TP63: variants seen among roughly 807,000 people sequenced by gnomAD.
The protein encoded by TP63 is tumor protein 63.
TP63 carries 17 observed loss-of-function variants against 82.8 expected under a neutral mutation model. That is an observed-to-expected ratio of 0.21 (90% CI 0.14 to 0.31). TP63 has a LOEUF of 0.31. Among genes scored for constraint, TP63 ranks in the 10% least tolerant of loss-of-function variants. The pLI is 1.00. For missense variants in TP63, 648 were observed against 895.3 expected, an observed-to-expected ratio of 0.72 and a Z score of 3.52; for synonymous variants, 330 against 321.7, an observed-to-expected ratio of 1.03 and a Z score of -0.28.
chr3:189,682,536 GAAAAA>G lies in TP63; in HGVS notation c.62+50973_62+50977del, dbSNP rs375284237. ...CATTCCTGGGACTTGGTCCTAAGGG[GAAAAA>G]AAAAAAAAAAAAATATATATATATA... On this transcript the variant is annotated intron_variant, in intron 1 of 13. Coordinates refer to ENST00000264731, the MANE Select transcript of TP63 (RefSeq NM_003722.5). 9.0e-3 allele frequency among the ~76,000 whole-genome samples: 170 copies of G among 18,824 alleles called. 2 individuals are homozygous for G. Among genetic ancestry groups the G allele is most frequent in the East Asian group, 0.024 (7 of 290 alleles). 12.3% of individuals were successfully genotyped at this position (18,824 alleles called of 152,430 possible).
At chr3:189,760,091 G>C (rs960500332) in intron 3 of TP63, among the ~76,000 whole-genome samples, 4 of 152,128 alleles carry the variant, frequency 2.6e-5, no homozygotes, top group African/African-American at 9.7e-5. Context: ...CAAAACACAA[G>C]GGAATTATGG....
rs1214350150 is a variant in TP63, at chr3:189,848,242, TCTC to T, written c.580-15989_580-15987del. Among the ~76,000 whole-genome samples the T allele has an allele frequency of 4.6e-4, 51 of 110,314 alleles. No homozygotes were observed. The East Asian group carries it at 9.9e-3, about 21-fold the overall frequency. The allele number at this position is 110,314 out of a possible 152,430, so 72.4% of individuals were successfully genotyped here. ...TGCCTCCTCCTCCTCCTCCTCCTTC[TCTC>T]TCTCTCTCTCTCTCTCTCTCTCTCT... On this transcript the variant is annotated intron_variant, in intron 4 of 13. Coordinates refer to ENST00000264731, the MANE Select transcript of TP63 (RefSeq NM_003722.5).
chr3:189,817,223 A>G (rs1728283862), intron 4 of TP63, among the ~76,000 whole-genome samples: 1 of 152,180 alleles, frequency 6.6e-6, no homozygotes, highest in Non-Finnish European at 1.5e-5. Context: ...AAAAACTATA[A>G]TGAATAAGTT....
In TP63 at chr3:189,886,556, G is replaced by A; in HGVS notation, c.1507+5G>A. The A allele has an allele frequency of 6.2e-7, 1 of 1,613,968 alleles. No individual in the cohort carries two copies. Among genetic ancestry groups the A allele is most frequent in the Non-Finnish European group, 8.5e-7 (1 of 1,179,972 alleles). ...CTGATGGCATGGGAGCCAACAGTAA[G>A]AGCATCTCCTTTTAGCTGTGGCTGA... On this transcript the variant is annotated splice_donor_5th_base_variant and intron_variant, in intron 11 of 13. Transcript: ENST00000264731.
At chr3:189,848,238 CT>C (rs1314961884) in intron 4 of TP63, among the ~76,000 whole-genome samples, 7 of 26,580 alleles carry the variant, frequency 2.6e-4, no homozygotes, top group African/African-American at 1.0e-3. Context: ...CCTCCTCCTC[CT>C]TCTCTCTCTC....
At chr3:189,820,695 G>A (rs1412079263) in intron 4 of TP63, among the ~76,000 whole-genome samples, 1 of 152,170 alleles carries the variant, frequency 6.6e-6, no homozygotes, top group East Asian at 1.9e-4. Context: ...AGATGGTTTT[G>A]TAGCTCTGAT....
chr3:189,840,576 G>A (rs1054741383), intron 4 of TP63, among the ~76,000 whole-genome samples: 38 of 151,488 alleles, frequency 2.5e-4, no homozygotes, highest in Non-Finnish European at 1.0e-4. Context: ...AATTGTTCAC[G>A]GTGGCTGGGT....
At chr3:189,645,028 C>T (rs990048446) in intron 1 of TP63, among the ~76,000 whole-genome samples, 6 of 151,910 alleles carry the variant, frequency 3.9e-5, no homozygotes, top group Non-Finnish European at 7.4e-5. Flanking sequence ...CTGTCTTCCT[C>T]GATATTCAGA....
chr3:189,639,476 A>C (rs1255715451), intron 1 of TP63, among the ~76,000 whole-genome samples: 2 of 152,152 alleles, frequency 1.3e-5, no homozygotes, highest in East Asian at 3.9e-4. Context: ...ATGGTGAATT[A>C]GATTATTTGA....
At chr3:189,884,218 G>A (rs749313613) in intron 10 of TP63, among the ~76,000 whole-genome samples, 14 of 152,198 alleles carry the variant, frequency 9.2e-5, no homozygotes, top group Non-Finnish European at 1.8e-4. Context: ...CTCTGATGTG[G>A]ACTAATGGAT....
chr3:189,837,939 A>G (rs1163936494), intron 4 of TP63, among the ~76,000 whole-genome samples: 1 of 152,116 alleles, frequency 6.6e-6, no homozygotes, highest in Admixed American at 6.5e-5. Context: ...TTCCTTACTT[A>G]TGCTGAAAAA....
At chr3:189,835,726 A>G (rs1713037418) in intron 4 of TP63, among the ~76,000 whole-genome samples, 1 of 151,968 alleles carries the variant, frequency 6.6e-6, no homozygotes, top group African/African-American at 2.4e-5. Context: ...CAGCCTGGCC[A>G]ACATAGTGAA....
chr3:189,882,464 CTT>C (rs35439891), intron 10 of TP63, among the ~76,000 whole-genome samples: 37,528 of 142,396 alleles, frequency 0.26, 5,523 homozygotes, highest in African/African-American at 0.42. Flanking sequence ...CATGTTTTCC[CTT>C]TTTTTTTTTT....
At chr3:189,879,933 G>C (rs1719717693) in intron 10 of TP63, 3 of 1,252,386 alleles carry the variant, frequency 2.4e-6, no homozygotes, top group Non-Finnish European at 3.1e-6. Context: ...AACAAAAATA[G>C]CTTTTCAGGC....
At position 189,895,321 on chromosome 3, in the gene TP63, T is replaced by C. The variant is rs1213584675; in HGVS notation, c.*819T>C. 1.4e-5 allele frequency: 3 copies of C among 219,816 alleles called. No homozygotes were observed. The East Asian group carries it at 2.0e-4, about 15-fold the overall frequency. The allele number at this position is 219,816 out of a possible 1,614,324, so 13.6% of individuals were successfully genotyped here. A position where few individuals can be genotyped will look rare whatever the true frequency, so the allele number is the denominator to read the frequency against. On this transcript the variant is annotated 3_prime_UTR_variant, in exon 14 of 14. Transcript: ENST00000264731. ...TCTTAAAAGGCCCATAGCAGCCAGTTCAAAAACACCCGACGTCATGTATTT... is the reference window on the plus strand; with the variant it reads ...TCTTAAAAGGCCCATAGCAGCCAGTCCAAAAACACCCGACGTCATGTATTT...
Position 189,866,768 on chromosome 3 carries a change from A to G in TP63, c.853A>G (p.Ser285Gly). The change falls in exon 6 of 14, where the codon AGT becomes GGT. Residue 285 changes from serine (S) to glycine (G), a missense_variant. Physicochemically the swap from Ser to Gly is moderately conservative, Grantham distance 56. Transcript: ENST00000264731. ...YVEDPITGRQ[S>G]VLVPYEPPQV... ...AGAAGATCCCATCACAGGAAGACAG[A>G]GTGTGCTGGTACCTTATGAGCCACC... 1 of 1,613,934 alleles carries G rather than the reference A, an allele frequency of 6.2e-7. No individual in the cohort carries two copies. Among genetic ancestry groups the G allele is most frequent in the East Asian group, 2.2e-5 (1 of 44,836 alleles).
At chr3:189,639,830 A>G (rs950178592) in intron 1 of TP63, among the ~76,000 whole-genome samples, 1 of 152,138 alleles carries the variant, frequency 6.6e-6, no homozygotes, top group Non-Finnish European at 1.5e-5. Context: ...AAATAATAGA[A>G]CATATACAGG....
intron 1 of TP63, among the ~76,000 whole-genome samples, chr3:189,673,563 C>T (rs550707253): frequency 4.6e-5 from 7 of 152,060 alleles, no homozygotes; most frequent in African/African-American, 7.2e-5. Context: ...GTGTATAGGT[C>T]GTTAACAACT....
intron 3 of TP63, among the ~76,000 whole-genome samples, chr3:189,749,242 A>G (rs1164737525): frequency 6.6e-6 from 1 of 152,120 alleles, no homozygotes; most frequent in Non-Finnish European, 1.5e-5. Flanking sequence ...AATTAATAGA[A>G]CAAAGAAACA....
Sources: allele counts gnomAD v4.1 joint callset (sites outside exome capture counted in the v4.1 genomes callset), GRCh38; gene constraint gnomAD v4.1.1; transcripts MANE v1.5; gene names NCBI Gene and HGNC (gene_info 2026-07-23, HGNC 2026-07-21).